Variants in ASAP1 observed in about 807,000 individuals in gnomAD.
The protein encoded by ASAP1 is arf-GAP with SH3 domain, ANK repeat and PH domain-containing protein 1.
A neutral mutation model predicts 145.2 loss-of-function variants in ASAP1; 43 were observed. The ratio of observed to expected loss-of-function variants is 0.30; its 90% confidence interval spans 0.23 to 0.38. ASAP1 has a LOEUF of 0.38. ASAP1 is among the 10% of genes least tolerant of loss of function. The probability of loss-of-function intolerance (pLI) is 1.00; values close to 1 mark genes in which losing one functional copy is unlikely to be tolerated. For missense variants in ASAP1, 1,018 were observed against 1,355.3 expected (o/e 0.75, Z 3.91); for synonymous variants, 546 against 515.5 (o/e 1.06, Z -0.80).
chr8:130,302,831 C>T (rs1236463990), intron 3 of ASAP1, among the ~76,000 whole-genome samples: 2 of 152,166 alleles, frequency 1.3e-5, no homozygotes, highest in African/African-American at 4.8e-5. Context: ...GGGGAGAAAA[C>T]TATGAAGAAA....
chr8:130,061,223 T>C (rs1000368670), intron 27 of ASAP1, among the ~76,000 whole-genome samples, 154 bp from the exon 28 acceptor site: 14 of 152,168 alleles, frequency 9.2e-5, no homozygotes, highest in Non-Finnish European at 1.8e-4. Flanking sequence ...CAGGCAGTTT[T>C]ACAAAGACAA....
intron 7 of ASAP1, among the ~76,000 whole-genome samples, chr8:130,182,310 T>C (rs61329743): frequency 0.012 from 1,774 of 152,214 alleles, 28 homozygotes; most frequent in African/African-American, 0.04. Flanking sequence ...AAAGAAAGAA[T>C]TGAAGACAAA....
chr8:130,180,973 G>T, intron 7 of ASAP1, 93 bp from the exon 8 acceptor site: 1 of 1,180,840 alleles, frequency 8.5e-7, no homozygotes, highest in Non-Finnish European at 1.2e-6. Context: ...TGGATTTGGG[G>T]TGACGATGTG....
At chr8:130,072,822 T>TGGGTGTGTGTGCGCGTGTGC in intron 27 of ASAP1, among the ~76,000 whole-genome samples, 1 of 26,058 alleles carries the variant, frequency 3.8e-5, no homozygotes, top group Non-Finnish European at 7.8e-5. Context: ...TGTGTGTGTG[T>TGGGTGTGTGTGCGCGTGTGC]GTGCGCGCGG....
intron 9 of ASAP1, among the ~76,000 whole-genome samples, chr8:130,177,303 G>C (rs1814031011): frequency 6.6e-6 from 1 of 152,190 alleles, no homozygotes; most frequent in Non-Finnish European, 1.5e-5. Context: ...AAAAACTCTT[G>C]TTTGTGTAGG....
intron 1 of ASAP1, among the ~76,000 whole-genome samples, chr8:130,431,357 G>C (rs1317456656): frequency 6.6e-6 from 1 of 152,176 alleles, no homozygotes; most frequent in East Asian, 1.9e-4. Flanking sequence ...TCAAGATAAA[G>C]TTCAAGCTCC....
At chr8:130,242,372 A>G (rs925045280) in intron 3 of ASAP1, among the ~76,000 whole-genome samples, 1 of 151,702 alleles carries the variant, frequency 6.6e-6, no homozygotes, top group African/African-American at 2.4e-5. Context: ...CATTTAAAAA[A>G]TGCTTTTTAA....
rs1491261390 is a variant in ASAP1 at position 130,072,791 on chromosome 8, A to ATGTGTGTGTGTGTGTGTGTG, written c.2701+3556_2701+3557insCACACACACACACACACACA. Among the ~76,000 whole-genome samples, 245 of 91,194 alleles carry ATGTGTGTGTGTGTGTGTGTG rather than the reference A, an allele frequency of 2.7e-3. 10 individuals are homozygous for ATGTGTGTGTGTGTGTGTGTG. The highest frequency in any genetic ancestry group is 6.9e-3 in the African/African-American group (171 of 24,728). 59.8% of individuals were successfully genotyped at this position (91,194 alleles called of 152,430 possible). On this transcript the variant is annotated intron_variant, in intron 27 of 29. Transcript: ENST00000518721. ...TTCTGAAGGCCTGGACTTGCAATTG[A>ATGTGTGTGTGTGTGTGTGTG]TATGTGTGTGTGTGTGTGTGTGTGT...
chr8:130,200,073 G>A (rs922138756), intron 5 of ASAP1, among the ~76,000 whole-genome samples: 2 of 152,186 alleles, frequency 1.3e-5, no homozygotes, highest in Non-Finnish European at 2.9e-5. Flanking sequence ...TTGGGCTACT[G>A]GCAGTTTTCC....
At chr8:130,130,620 G>A (rs185566964) in intron 15 of ASAP1, among the ~76,000 whole-genome samples, 13 of 152,294 alleles carry the variant, frequency 8.5e-5, no homozygotes, top group African/African-American at 2.9e-4. Context: ...GTCGCTTTGA[G>A]TTTTATAAGA....
At chr8:130,434,798 G>C (rs919534357) in intron 1 of ASAP1, among the ~76,000 whole-genome samples, 2 of 152,140 alleles carry the variant, frequency 1.3e-5, no homozygotes, top group African/African-American at 4.8e-5. Context: ...ATGAGGTCCT[G>C]AGGGAACTTC....
At chr8:130,150,028 C>T (rs1461961749) in intron 13 of ASAP1, among the ~76,000 whole-genome samples, 1 of 152,192 alleles carries the variant, frequency 6.6e-6, no homozygotes, top group Non-Finnish European at 1.5e-5. Flanking sequence ...GTATTGTCAG[C>T]AACATCCAAT....
intron 2 of ASAP1, among the ~76,000 whole-genome samples, chr8:130,379,454 T>C (rs11778712): frequency 0.035 from 5,313 of 152,304 alleles, 124 homozygotes; most frequent in Middle Eastern, 0.065. Context: ...TCTCAATTTA[T>C]AGCTGGTTGG....
At chr8:130,153,332 A>AATATATATATAT (rs67554567) in intron 12 of ASAP1, among the ~76,000 whole-genome samples, 100 of 87,486 alleles carry the variant, frequency 1.1e-3, no homozygotes, top group African/African-American at 3.5e-3. Flanking sequence ...CTGCTTTTTA[A>AATATATATATAT]ATATATATAT....
At chr8:130,242,310 T>TG (rs1818588626) in intron 3 of ASAP1, among the ~76,000 whole-genome samples, 1 of 149,244 alleles carries the variant, frequency 6.7e-6, no homozygotes, top group Non-Finnish European at 1.5e-5. Flanking sequence ...TTAACTCACT[T>TG]GGAAAAAAAA....
rs771383744 is a variant in ASAP1, at chr8:130,358,191, C to T, written c.60-48G>A. On this transcript the variant is annotated intron_variant, in intron 2 of 29. Coordinates refer to ENST00000518721, the MANE Select transcript of ASAP1 (RefSeq NM_018482.4). This position sits in a 1 kb window ranked among gnomAD's most constrained non-coding sequence, Gnocchi z 4.1. ...AGCGGGGGCGGGGGGTGAGTCACGGCGCAGGCTCCCGGGGCCGCGGGCCGC... is the reference window on the plus strand; with the variant it reads ...AGCGGGGGCGGGGGGTGAGTCACGGTGCAGGCTCCCGGGGCCGCGGGCCGC... 2.0e-6 allele frequency: 3 copies of T among 1,537,540 alleles called. No homozygotes were observed.
chr8:130,173,846 G>A (rs1204697461), intron 9 of ASAP1, among the ~76,000 whole-genome samples: 1 of 151,580 alleles, frequency 6.6e-6, no homozygotes, highest in Non-Finnish European at 1.5e-5. Flanking sequence ...GCCGAGATGG[G>A]TAGATTGCCT....
chr8:130,428,123 T>C (rs1829992697), intron 1 of ASAP1, among the ~76,000 whole-genome samples: 1 of 152,038 alleles, frequency 6.6e-6, no homozygotes, highest in South Asian at 2.1e-4. Context: ...GGGATTCCCT[T>C]TTCCCACACA....
At chr8:130,059,118 T>C (rs1390986173) in intron 28 of ASAP1, among the ~76,000 whole-genome samples, 1 of 152,168 alleles carries the variant, frequency 6.6e-6, no homozygotes, top group Non-Finnish European at 1.5e-5. Context: ...ATGGGTTTTA[T>C]TTTTCTTAAT....
Sources: gnomAD v4.1 joint callset for allele counts (sites outside exome capture counted in the v4.1 genomes callset) on GRCh38, gnomAD v4.1.1 for gene constraint, Gnocchi (gnomAD v3.1) non-coding constraint, MANE v1.5 for transcripts, NCBI Gene and HGNC (gene_info 2026-07-23, HGNC 2026-07-21) for gene names.